Variants in RAB28 observed in about 807,000 individuals in gnomAD.
The protein encoded by RAB28 is RAB28, member RAS oncogene family, also known as ras-related protein Rab-28.
A neutral mutation model predicts 31.7 loss-of-function variants in RAB28; 24 were observed. That is an observed-to-expected ratio of 0.76 (90% CI 0.55 to 1.06). The LOEUF (loss-of-function observed/expected upper bound fraction) is 1.06. Among genes scored for constraint, RAB28 ranks in the 50% least tolerant of loss-of-function variants. The probability of loss-of-function intolerance (pLI) is 0.00; values close to 1 mark genes in which losing one functional copy is unlikely to be tolerated. For synonymous variants in RAB28, 100 were observed against 90.4 expected (o/e 1.11, Z -0.60); for missense variants, 254 against 258.5 (o/e 0.98, Z 0.12).
chr4:13,384,232 C>A (rs879764149), intron 4 of RAB28, among the ~76,000 whole-genome samples: 1 of 152,192 alleles, frequency 6.6e-6, no homozygotes, highest in Non-Finnish European at 1.5e-5. Context: ...CAGCACCCGA[C>A]CCCCATGCTA....
chr4:13,473,763 A>C (rs1716222004), intron 3 of RAB28: 3 of 309,396 alleles, frequency 9.7e-6, no homozygotes, highest in Non-Finnish European at 1.9e-5. Flanking sequence ...CTTGCTCTAC[A>C]TGGATTTTCT....
chr4:13,452,337 C>T (rs562056493), intron 4 of RAB28, among the ~76,000 whole-genome samples: 24 of 151,802 alleles, frequency 1.6e-4, no homozygotes, highest in African/African-American at 5.1e-4. Context: ...TTTGTCCTTG[C>T]ATTCTATTTC....
chr4:13,370,023 C>T, intron 6 of RAB28: 1 of 1,520,358 alleles, frequency 6.6e-7, no homozygotes, highest in Non-Finnish European at 8.8e-7. Flanking sequence ...AAAAAAAAGA[C>T]AAAATGGAAA....
At chr4:13,414,686 G>T (rs1712645002) in intron 4 of RAB28, among the ~76,000 whole-genome samples, 1 of 152,114 alleles carries the variant, frequency 6.6e-6, no homozygotes, top group South Asian at 2.1e-4. Context: ...AGCAAAGATT[G>T]TACATAAAAC....
At chr4:13,453,595 A>C (rs1577229154) in intron 4 of RAB28, among the ~76,000 whole-genome samples, 1 of 152,004 alleles carries the variant, frequency 6.6e-6, no homozygotes, top group Non-Finnish European at 1.5e-5. Flanking sequence ...TGCTGGGTTT[A>C]ATATTCTAAT....
At chr4:13,469,912 T>C (rs1233337606) in intron 3 of RAB28, among the ~76,000 whole-genome samples, 2 of 151,960 alleles carry the variant, frequency 1.3e-5, no homozygotes, top group African/African-American at 4.8e-5. Flanking sequence ...GCTGGTCTCA[T>C]GCTCCTAACT....
chr4:13,463,812 G>C (rs1216018399), intron 3 of RAB28, among the ~76,000 whole-genome samples: 1 of 151,886 alleles, frequency 6.6e-6, no homozygotes, highest in Non-Finnish European at 1.5e-5. Flanking sequence ...GTGAAATTCT[G>C]AGACGAAAAA....
intron 4 of RAB28, among the ~76,000 whole-genome samples, chr4:13,408,811 A>G (rs1266896173): frequency 6.6e-6 from 1 of 152,196 alleles, no homozygotes; most frequent in Non-Finnish European, 1.5e-5. Context: ...AAAAGGCATT[A>G]CAAAATAATT....
At chr4:13,421,356 AT>A (rs1198909185) in intron 4 of RAB28, among the ~76,000 whole-genome samples, 1 of 152,230 alleles carries the variant, frequency 6.6e-6, no homozygotes, top group Non-Finnish European at 1.5e-5. Context: ...ATTCAATGCC[AT>A]CCCCATCAAG....
intron 4 of RAB28, among the ~76,000 whole-genome samples, chr4:13,385,288 C>A (rs1000118677): frequency 2.0e-5 from 3 of 152,158 alleles, no homozygotes; most frequent in Non-Finnish European, 4.4e-5. Context: ...TTCAAGATAT[C>A]ATCCATGAGA....
intron 1 of RAB28, among the ~76,000 whole-genome samples, chr4:13,481,766 A>G (rs1716617422): frequency 6.6e-6 from 1 of 152,106 alleles, no homozygotes; most frequent in Admixed American, 6.5e-5. Flanking sequence ...TCATCATCTC[A>G]ATACTCTATT....
At chr4:13,471,264 AT>A (rs1349998345) in intron 3 of RAB28, among the ~76,000 whole-genome samples, 1 of 152,084 alleles carries the variant, frequency 6.6e-6, no homozygotes, top group Non-Finnish European at 1.5e-5. Flanking sequence ...TTATATGATT[AT>A]ATAAAGATAT....
chr4:13,453,857 T>C (rs1715145638), intron 4 of RAB28, among the ~76,000 whole-genome samples: 1 of 152,134 alleles, frequency 6.6e-6, no homozygotes, highest in Non-Finnish European at 1.5e-5. Context: ...TCGATGTGAA[T>C]GTTCATCTGC....
intron 3 of RAB28, among the ~76,000 whole-genome samples, chr4:13,468,822 G>C (rs1272017956): frequency 6.7e-6 from 1 of 150,352 alleles, no homozygotes; most frequent in Non-Finnish European, 1.5e-5. Flanking sequence ...CAAACCTCTA[G>C]TCAGGCTAAC....
intron 4 of RAB28, among the ~76,000 whole-genome samples, chr4:13,430,172 A>AT (rs1713734353): frequency 1.3e-5 from 2 of 152,156 alleles, no homozygotes; most frequent in Non-Finnish European, 2.9e-5. Flanking sequence ...TATTAAAAAA[A>AT]ATTTTTTTTT....
chr4:13,474,256 T>G, intron 3 of RAB28, 62 bp downstream of exon 3: 1 of 1,075,046 alleles, frequency 9.3e-7, no homozygotes, highest in Non-Finnish European at 1.4e-6. Context: ...GGGAGTAGAT[T>G]TGCATGTGTG....
intron 4 of RAB28, among the ~76,000 whole-genome samples, chr4:13,391,505 C>T (rs1729628215): frequency 6.6e-6 from 1 of 152,112 alleles, no homozygotes; most frequent in Non-Finnish European, 1.5e-5. Flanking sequence ...GGCGATTCCT[C>T]AAGGATCTAG....
intron 4 of RAB28, among the ~76,000 whole-genome samples, chr4:13,424,607 C>CA (rs887193060): frequency 1.3e-5 from 2 of 152,040 alleles, no homozygotes; most frequent in Non-Finnish European, 2.9e-5. Context: ...TCAACCCATA[C>CA]AAAAAAACTA....
chr4:13,425,131 T>C (rs1713402665), intron 4 of RAB28, among the ~76,000 whole-genome samples: 1 of 152,196 alleles, frequency 6.6e-6, no homozygotes, highest in African/African-American at 2.4e-5. Flanking sequence ...ATTTGACATA[T>C]TGAATCCTTC....
Sources: allele counts gnomAD v4.1 joint callset (sites outside exome capture counted in the v4.1 genomes callset), GRCh38; gene constraint gnomAD v4.1.1; transcripts MANE v1.5; gene names NCBI Gene and HGNC (gene_info 2026-07-23, HGNC 2026-07-21).